Variants in ABCC12 observed in about 807,000 individuals in gnomAD.
The protein encoded by ABCC12 is ATP-binding cassette sub-family C member 12.
A neutral mutation model predicts 151.1 loss-of-function variants in ABCC12; 142 were observed. The ratio of observed to expected loss-of-function variants is 0.94; its 90% CI spans 0.82 to 1.08. The LOEUF is 1.08. Ranked by LOEUF, ABCC12 falls within the 50% of genes least tolerant of loss-of-function variation. The probability of loss-of-function intolerance (pLI) is 0.00; values close to 1 mark genes in which losing one functional copy is unlikely to be tolerated. For synonymous variants in ABCC12, 645 were observed against 646.4 expected (o/e 1.00, Z 0.03); for missense variants, 1,638 against 1,691.1 (o/e 0.97, Z 0.55).
chr16:48,090,645 A>T lies in ABCC12; in HGVS notation c.3285+475T>A, dbSNP rs1962840319. Among the ~76,000 whole-genome samples the T allele has an allele frequency of 3.9e-5, 6 of 152,212 alleles. No individual in the cohort carries two copies. The South Asian group carries it at 1.2e-3, about 32-fold the overall frequency. ...CTTGTTAAAAAGAACCTCACATTCA[A>T]CAACAAGAACTTCAGAATGTATTGT... is the stretch of plus-strand genomic sequence containing the variant. On this transcript the variant is annotated intron_variant, in intron 25 of 30. Transcript: ENST00000311303.
chr16:48,142,478 G>T (rs1411529001), intron 4 of ABCC12, among the ~76,000 whole-genome samples: 1 of 152,176 alleles, frequency 6.6e-6, no homozygotes, highest in Non-Finnish European at 1.5e-5. Context: ...AGAAGTACTG[G>T]CCAGAGAGAA....
rs1426979467 is a variant in ABCC12, at chr16:48,138,366, C to T, written c.841G>A (p.Ala281Thr). Residue 281 changes from alanine to threonine, a missense_variant, in exon 8 of 31, where the codon GCC becomes ACC. By Grantham distance (58) the Ala-to-Thr change is moderately conservative (BLOSUM62 0). Coordinates refer to ENST00000311303, the MANE Select transcript of ABCC12 (RefSeq NM_001393797.1). The part of the protein sequence containing the change: ...VIFIPVQMFM[A>T]KLNSAFRRSA... The stretch of plus-strand genomic sequence containing the variant: ...CTTCGGAAAGCTGAATTGAGCTTGG[C>T]CATAAACATCTGAAATCAAGGTACA... 1 of 1,612,036 alleles carries T rather than the reference C, an allele frequency of 6.2e-7. No homozygotes were observed. Among genetic ancestry groups the T allele is most frequent in the Admixed American group, 1.7e-5 (1 of 59,958 alleles).
Position 48,088,563 on chromosome 16 carries a change from C to G in ABCC12, c.3457G>C (p.Val1153Leu). The G allele has an allele frequency of 1.9e-6, 3 of 1,613,886 alleles. No individual in the cohort carries two copies. Among genetic ancestry groups the G allele is most frequent in the Non-Finnish European group, 2.5e-6 (3 of 1,179,910 alleles). The stretch of plus-strand genomic sequence containing the variant: ...TCCTCACCGGAACCTGTTCTTCCAA[C>G]AATCCCGACTGTCTGCCCACTTTGT... ...NIQSGQTVGI[V>L]GRTGSGKSSL... The change falls in exon 26 of 31, where the codon GTT (valine) becomes CTT (leucine). Residue 1153 changes from valine (V) to leucine (L), a missense_variant. Transcript: ENST00000311303.
chr16:48,105,294 C>A lies in ABCC12; in HGVS notation c.2518G>T (p.Gly840Cys). 6.2e-7 allele frequency: 1 copy of A among 1,613,442 alleles called. No homozygotes were observed. Among genetic ancestry groups the A allele is most frequent in the Non-Finnish European group, 8.5e-7 (1 of 1,179,922 alleles). The change falls in exon 21 of 31, where the codon GGC (glycine) becomes TGC (cysteine). Residue 840 changes from glycine (G) to cysteine (C), a missense_variant. Gly to Cys is a radical substitution (Grantham distance 159, BLOSUM62 -3). Coordinates refer to ENST00000311303, the MANE Select transcript of ABCC12 (RefSeq NM_001393797.1). ...PQGNRTMCEV[G>C]AVLADIGQHV... Reference sequence around the variant, plus strand: ...TGACCGATGTCTGCCAGCACCGCGCCGACCTCACACATGGTCCTGTTGCCC... The same window carrying A: ...TGACCGATGTCTGCCAGCACCGCGCAGACCTCACACATGGTCCTGTTGCCC...
chr16:48,116,200 T>G (rs543429975), intron 14 of ABCC12, among the ~76,000 whole-genome samples: 1 of 152,308 alleles, frequency 6.6e-6, no homozygotes, highest in South Asian at 2.1e-4. Context: ...GGATGATTGC[T>G]TGCTGTAGGT....
chr16:48,099,236 G>A (rs1963218196), intron 23 of ABCC12, among the ~76,000 whole-genome samples: 1 of 152,158 alleles, frequency 6.6e-6, no homozygotes, highest in East Asian at 1.9e-4. Context: ...TGGCCAACAT[G>A]GTGAAATGCT....
chr16:48,113,489 T>C (rs1360920357), intron 15 of ABCC12, among the ~76,000 whole-genome samples: 4 of 152,234 alleles, frequency 2.6e-5, no homozygotes, highest in African/African-American at 9.6e-5. Context: ...TCACCAAATC[T>C]GCACCTGGGT....
Position 48,096,954 on chromosome 16 carries a change from A to G in ABCC12, c.3039-52T>C, listed in dbSNP as rs192674180. 7.8e-5 allele frequency: 126 copies of G among 1,612,220 alleles called. 1 individual carries two copies. In the East Asian group the frequency reaches 2.4e-3, roughly 30 times the overall value. ...AAACCTACAGTCAAGAAAATCAGAA[A>G]AAGCAGGAGATCAGGTTGTGCTGTA... On this transcript the variant is annotated intron_variant, in intron 23 of 30. Transcript: ENST00000311303.
At chr16:48,117,405 AG>A in intron 13 of ABCC12, 72 bp from the exon 14 acceptor site, 1 of 1,537,524 alleles carries the variant, frequency 6.5e-7, no homozygotes, top group Non-Finnish European at 8.9e-7. Flanking sequence ...CTGCTTCCAC[AG>A]GCGCTGCTGG....
chr16:48,133,783 A>G lies in ABCC12; in HGVS notation c.1032T>C (p.Ser344=). Residue 344 remains serine, a synonymous_variant, in exon 9 of 31, where the codon AGT becomes AGC. Transcript: ENST00000311303. ...CGATGGGGGCCAGGGCAGAGTTTCC[A>G]CTTTGGACAAATCCAGCTTTTTCCA... is the stretch of plus-strand genomic sequence containing the variant. The part of the protein sequence containing the change: ...KLLEKAGFVQ[S]GNSALAPIVS... 6.2e-7 allele frequency: 1 copy of G among 1,614,112 alleles called. No homozygotes were observed. The highest frequency in any genetic ancestry group is 8.5e-7 in the Non-Finnish European group (1 of 1,180,016).
rs1596634556 is a variant in ABCC12 at position 48,154,386 on chromosome 16, G to C, written c.-319-502C>G. On this transcript the variant is annotated intron_variant, in intron 1 of 30. Transcript: ENST00000311303. ...AGATACCACATTAAAAAAAAAATAA[G>C]ACTGGCTTCTGGCTTTCGTCAAATA... Among the ~76,000 whole-genome samples the C allele has an allele frequency of 2.0e-5, 3 of 151,956 alleles. No homozygotes were observed. The South Asian group carries it at 6.3e-4, about 32-fold the overall frequency.
At chr16:48,114,186 T>G (rs1597312389) in intron 15 of ABCC12, among the ~76,000 whole-genome samples, 1 of 152,152 alleles carries the variant, frequency 6.6e-6, no homozygotes, top group African/African-American at 2.4e-5. Context: ...ACAATCCCCA[T>G]GCGCAAAATT....
chr16:48,096,837 A>C lies in ABCC12; in HGVS notation c.3104T>G (p.Ile1035Ser). Residue 1035 changes from isoleucine (I) to serine (S), a missense_variant, in exon 24 of 31, where the codon ATC (isoleucine) becomes AGC (serine). Physicochemically the swap from Ile to Ser is moderately radical, Grantham distance 142 (BLOSUM62 -2). Transcript: ENST00000311303. ...CAACAAGGCCACAGTGAAGGTAAGG[A>C]TGTTCATGAGGACATCCATTCTCAG... is the stretch of plus-strand genomic sequence containing the variant. ...FALRMDVLMN[I>S]LTFTVALLVT... 1 of 1,614,152 alleles carries C rather than the reference A, an allele frequency of 6.2e-7. No individual in the cohort carries two copies. Among genetic ancestry groups the C allele is most frequent in the Non-Finnish European group, 8.5e-7 (1 of 1,180,004 alleles).
Position 48,115,595 on chromosome 16 carries a change from G to C in ABCC12, c.1809C>G (p.Leu603=), listed in dbSNP as rs770598854. The change falls in exon 15 of 31, where the codon CTC becomes CTG. Residue 603 remains leucine, a synonymous_variant. Transcript: ENST00000311303. ...LTEIGERGLN[L]SGGQRQRISL... is the part of the protein sequence containing the mutation. Reference sequence around the variant, plus strand: ...TAATCCTCTGCCTCTGCCCCCCAGAGAGGTTGAGGCCCCGCTCCCCAATCT... The same window carrying C: ...TAATCCTCTGCCTCTGCCCCCCAGACAGGTTGAGGCCCCGCTCCCCAATCT... 2.5e-6 allele frequency: 4 copies of C among 1,613,876 alleles called. No individual in the cohort carries two copies. The highest frequency in any genetic ancestry group is 2.2e-5 in the South Asian group (2 of 91,080).
At chr16:48,131,205 C>A (rs1287735590) in intron 9 of ABCC12, among the ~76,000 whole-genome samples, 2 of 152,238 alleles carry the variant, frequency 1.3e-5, no homozygotes, top group African/African-American at 2.4e-5. Flanking sequence ...CAATCTCCAT[C>A]CACACTGCAT....
chr16:48,084,722 C>T (rs948731981), intron 29 of ABCC12, among the ~76,000 whole-genome samples: 3 of 152,138 alleles, frequency 2.0e-5, no homozygotes, highest in Non-Finnish European at 4.4e-5. Flanking sequence ...GATCCTTAAT[C>T]GCAACTGCAG....
Position 48,139,335 on chromosome 16 carries a change from A to G in ABCC12, c.659T>C (p.Val220Ala), listed in dbSNP as rs1165330898. Residue 220 changes from valine to alanine, a missense_variant and splice_region_variant, in exon 7 of 31, where the codon GTG becomes GCG. By Grantham distance (64) the Val-to-Ala change is moderately conservative. Coordinates refer to ENST00000311303, the MANE Select transcript of ABCC12 (RefSeq NM_001393797.1). ...KTLTHISVGE[V>A]LNILSSDSYS... ...GCTATCACTTGACAGTATATTGAGC[A>G]CCTGGAAAGAAAAGCGCAAAGGTTC... 1.2e-5 allele frequency: 19 copies of G among 1,598,134 alleles called. No homozygotes were observed. The African/African-American group carries it at 1.6e-4, about 14-fold the overall frequency.
rs1965145129 is a variant in ABCC12 at position 48,153,633 on chromosome 16, T to C, written c.-68A>G. The C allele has an allele frequency of 6.6e-6, 1 of 152,250 alleles. No individual in the cohort carries two copies. Among genetic ancestry groups the C allele is most frequent in the Non-Finnish European group, 1.5e-5 (1 of 68,036 alleles). The allele number at this position is 152,250 out of a possible 1,614,324, so 9.4% of individuals were successfully genotyped here. The stretch of plus-strand genomic sequence containing the variant: ...ACCCTTACCTATAACTTCTATTTTT[T>C]GGTTCCCTTTTCTAATGGTAAGGGA... On this transcript the variant is annotated 5_prime_UTR_variant, in exon 2 of 31. Coordinates refer to ENST00000311303, the MANE Select transcript of ABCC12 (RefSeq NM_001393797.1).
intron 13 of ABCC12, among the ~76,000 whole-genome samples, chr16:48,120,128 T>C (rs1964017511): frequency 1.3e-5 from 2 of 152,302 alleles, no homozygotes; most frequent in South Asian, 2.1e-4. Context: ...ATATACACCA[T>C]AGAATACTAT....
Sources: gnomAD v4.1 joint callset for allele counts (sites outside exome capture counted in the v4.1 genomes callset) on GRCh38, gnomAD v4.1.1 for gene constraint, MANE v1.5 for transcripts, NCBI Gene and HGNC (gene_info 2026-07-23, HGNC 2026-07-21) for gene names.